EMC10: variants seen among roughly 807,000 people sequenced by gnomAD.
EMC10 encodes the protein ER membrane protein complex subunit 10, also known as UPF0510 protein INM02.
In EMC10, 40 loss-of-function variants were observed where a neutral mutation model predicts 32.2. The ratio of observed to expected loss-of-function variants is 1.24; its 90% confidence interval spans 0.96 to 1.61. The LOEUF is 1.61. Ranked by LOEUF, EMC10 falls within the 40% of genes most tolerant of loss-of-function variation. The pLI, the probability that EMC10 is intolerant of heterozygous loss-of-function variation, is 0.00. For synonymous variants in EMC10, 178 were observed against 158.4 expected (o/e 1.12, Z -0.93); for missense variants, 402 against 357.7 (o/e 1.12, Z -1.00).
In EMC10 at chr19:50,480,183, G is replaced by A; in HGVS notation, c.370G>A (p.Ala124Thr). The A allele has an allele frequency of 6.2e-7, 1 of 1,613,916 alleles. No individual in the cohort carries two copies. The highest frequency in any genetic ancestry group is 8.5e-7 in the Non-Finnish European group (1 of 1,179,948). The change falls in exon 4 of 7, where the codon GCT (alanine) becomes ACT (threonine). Residue 124 changes from alanine (A) to threonine (T), a missense_variant. Physicochemically the swap from Ala to Thr is moderately conservative, Grantham distance 58. Coordinates refer to ENST00000334976, the MANE Select transcript of EMC10 (RefSeq NM_206538.4). This position sits in a 1 kb window ranked among gnomAD's most constrained non-coding sequence, Gnocchi z 4.4. ...RRPGALDGLE[A>T]GGYVSSFVPA... ...ACCCGGGGCCCTGGATGGCCTGGAA[G>A]CTGGTGGCTATGTCTCCTCCTTTGT...
At chr19:50,477,649 G>A (rs2040249537) in intron 1 of EMC10, among the ~76,000 whole-genome samples, 1 of 152,190 alleles carries the variant, frequency 6.6e-6, no homozygotes, top group Non-Finnish European at 1.5e-5. Flanking sequence ...TAACTCATGA[G>A]TATTTGTGGC....
rs1313939488 is a variant in EMC10 at position 50,480,789 on chromosome 19, T to A, written c.584+27T>A. On this transcript the variant is annotated intron_variant, in intron 5 of 6. Transcript: ENST00000334976. This position sits in a 1 kb window ranked among gnomAD's most constrained non-coding sequence, Gnocchi z 4.4. The stretch of plus-strand genomic sequence containing the variant: ...TGAGCCTCTGCTGCCTTCGCGGCGC[T>A]CTTGCCACCTGCCCCGGCCCTTCCT... The A allele has an allele frequency of 6.4e-7, 1 of 1,571,108 alleles. No individual in the cohort carries two copies. The highest frequency in any genetic ancestry group is 8.6e-7 in the Non-Finnish European group (1 of 1,156,420).
At position 50,480,312 on chromosome 19, in the gene EMC10, C is replaced by A; in HGVS notation, c.402+97C>A. On this transcript the variant is annotated intron_variant, in intron 4 of 6. Coordinates refer to ENST00000334976, the MANE Select transcript of EMC10 (RefSeq NM_206538.4). This position sits in a 1 kb window ranked among gnomAD's most constrained non-coding sequence, Gnocchi z 4.4. ...CATTCGAACCCCTGTGTTTCTGGAG[C>A]CCGCAGAGGCCTGGGAGACTCAGAC... is the stretch of plus-strand genomic sequence containing the variant. 1 of 1,266,672 alleles carries A rather than the reference C, an allele frequency of 7.9e-7. No individual in the cohort carries two copies. The highest frequency in any genetic ancestry group is 1.1e-6 in the Non-Finnish European group (1 of 899,838). The allele number at this position is 1,266,672 out of a possible 1,614,324, so 78.5% of individuals were successfully genotyped here.
rs1220291119 is a variant in EMC10, at chr19:50,476,656, G to C, written c.112G>C (p.Gly38Arg). The change falls in exon 1 of 7, where the codon GGG (glycine) becomes CGG (arginine). Residue 38 changes from glycine to arginine, a missense_variant and splice_region_variant. By Grantham distance (125) the Gly-to-Arg change is moderately radical (BLOSUM62 -2). Transcript: ENST00000334976. ...CTGCCGGGCCGGGACTGGTGCGCGA[G>C]GGGTGAGTGCTCTTTAGCTGTGCAT... Reference protein sequence around the residue: ...SGCRAGTGARGAGAEGREGEA... With the variant: ...SGCRAGTGARRAGAEGREGEA... The C allele has an allele frequency of 6.6e-7, 1 of 1,524,386 alleles. No homozygotes were observed. Among genetic ancestry groups the C allele is most frequent in the South Asian group, 1.2e-5 (1 of 82,292 alleles). The allele number at this position is 1,524,386 out of a possible 1,614,324, so 94.4% of individuals were successfully genotyped here.
chr19:50,481,025 G>A lies in EMC10; in HGVS notation c.678+48G>A, dbSNP rs768272380. On this transcript the variant is annotated intron_variant, in intron 6 of 6. Coordinates refer to ENST00000334976, the MANE Select transcript of EMC10 (RefSeq NM_206538.4). ...CCCTATTCCCTTCCTGACAGTCCCGGTGCCTGGCCAGGCCCTCCATGCTCC... is the reference window on the plus strand; with the variant it reads ...CCCTATTCCCTTCCTGACAGTCCCGATGCCTGGCCAGGCCCTCCATGCTCC... 1.5e-5 allele frequency: 22 copies of A among 1,486,214 alleles called. No homozygotes were observed. In the Admixed American group the frequency reaches 3.8e-4, roughly 26 times the overall value. 92.1% of individuals were successfully genotyped at this position (1,486,214 alleles called of 1,614,324 possible).
rs976185744 is a variant in EMC10 at position 50,480,534 on chromosome 19, C to T, written c.403-47C>T. On this transcript the variant is annotated intron_variant, in intron 4 of 6. Coordinates refer to ENST00000334976, the MANE Select transcript of EMC10 (RefSeq NM_206538.4). This position sits in a 1 kb window ranked among gnomAD's most constrained non-coding sequence, Gnocchi z 4.4. ...GGGGCCGGGGGAGGTTAGGGTGGAG[C>T]CCAGGCAGCAGGCTCCCCACCTCCA... The T allele has an allele frequency of 1.9e-6, 3 of 1,539,576 alleles. No individual in the cohort carries two copies. The highest frequency in any genetic ancestry group is 1.4e-5 in the African/African-American group (1 of 72,904).
In EMC10 at chr19:50,483,026, C is replaced by T. The variant is rs1055884723; in HGVS notation, c.*767C>T. 5.4e-6 allele frequency: 3 copies of T among 560,200 alleles called. No individual in the cohort carries two copies. Among genetic ancestry groups the T allele is most frequent in the Admixed American group, 2.3e-5 (1 of 44,022 alleles). 34.7% of individuals were successfully genotyped at this position (560,200 alleles called of 1,614,324 possible). A position where few individuals can be genotyped will look rare whatever the true frequency, so the allele number is the denominator to read the frequency against. On this transcript the variant is annotated 3_prime_UTR_variant, in exon 7 of 7. Transcript: ENST00000334976. ...GTAAATAGAACCCCCTCCACCACCC[C>T]CCGCCGCCCAGCATCCTACCTGGAC...
Position 50,479,044 on chromosome 19 carries a change from A to T in EMC10, c.275A>T (p.Glu92Val), listed in dbSNP as rs1333275482. 1 of 1,608,292 alleles carries T rather than the reference A, an allele frequency of 6.2e-7. No individual in the cohort carries two copies. Among genetic ancestry groups the T allele is most frequent in the Admixed American group, 1.7e-5 (1 of 59,598 alleles). ...TCCCTGTCACAGCGGCAGCTCAGCG[A>T]GGAGGAGCGGGGCCGACTCCGGGTG... ...TLSLSQRQLS[E>V]EERGRLRDVA... Residue 92 changes from glutamate (E) to valine (V), a missense_variant, in exon 3 of 7, where the codon GAG becomes GTG. By Grantham distance (121) the Glu-to-Val change is moderately radical (BLOSUM62 -2). Coordinates refer to ENST00000334976, the MANE Select transcript of EMC10 (RefSeq NM_206538.4).
At position 50,488,237 on chromosome 19, in the gene EMC10, A is replaced by C. The variant is rs1814961638; in HGVS notation, c.*5978A>C. On this transcript the variant is annotated 3_prime_UTR_variant, in exon 7 of 7. Coordinates refer to ENST00000334976, the MANE Select transcript of EMC10 (RefSeq NM_206538.4). ...CGTGAACCCTGGAGGCGGAGCTTGC[A>C]GTGAGCCGAGATTGCGCCACTGCAC... 1 of 128,756 alleles carries C rather than the reference A, an allele frequency of 7.8e-6. No individual in the cohort carries two copies. The highest frequency in any genetic ancestry group is 1.6e-5 in the Non-Finnish European group (1 of 63,518). The allele number at this position is 128,756 out of a possible 1,614,324, so 8.0% of individuals were successfully genotyped here.
intron 3 of EMC10, 24 bp downstream of exon 3, chr19:50,479,090 G>T: frequency 6.5e-7 from 1 of 1,549,826 alleles, no homozygotes; most frequent in Non-Finnish European, 8.8e-7. Flanking sequence ...CTCAGGGCTG[G>T]GTGTGGATGG....
At chr19:50,477,602 C>T (rs1483337260) in intron 1 of EMC10, among the ~76,000 whole-genome samples, 1 of 152,066 alleles carries the variant, frequency 6.6e-6, no homozygotes, top group Non-Finnish European at 1.5e-5. Context: ...TGAATATTAG[C>T]ATGAAAAAGA....
intron 1 of EMC10, chr19:50,476,872 T>C (rs1479292987): frequency 6.7e-6 from 3 of 446,186 alleles, no homozygotes; most frequent in African/African-American, 6.2e-5. Flanking sequence ...AGCGCACCTG[T>C]CGGAAGGCTC....
In EMC10 at chr19:50,480,256, T is replaced by G; in HGVS notation, c.402+41T>G. ...GGATGAGCCCCCTTCTCCCTCGTCC[T>G]CCTCATCCCCTACCCTGGTCCTGCT... is the stretch of plus-strand genomic sequence containing the variant. On this transcript the variant is annotated intron_variant, in intron 4 of 6. Coordinates refer to ENST00000334976, the MANE Select transcript of EMC10 (RefSeq NM_206538.4). The surrounding 1 kb of genome is among the most constrained non-coding windows in gnomAD (Gnocchi z 4.4). 1 of 1,556,546 alleles carries G rather than the reference T, an allele frequency of 6.4e-7. No homozygotes were observed. Among genetic ancestry groups the G allele is most frequent in the Non-Finnish European group, 8.8e-7 (1 of 1,135,516 alleles).
rs2040291501 is a variant in EMC10, at chr19:50,480,028, CT to C, written c.298-81del. ...GAGGTGGGTGGGGCTGGAGAGGGGCCTTCGCGGAGGCCTGGTGGGCATCACA... is the reference window on the plus strand; with the variant it reads ...GAGGTGGGTGGGGCTGGAGAGGGGCCTCGCGGAGGCCTGGTGGGCATCACA... On this transcript the variant is annotated intron_variant, in intron 3 of 6. Coordinates refer to ENST00000334976, the MANE Select transcript of EMC10 (RefSeq NM_206538.4). The surrounding 1 kb of genome is among the most constrained non-coding windows in gnomAD (Gnocchi z 4.4). The C allele has an allele frequency of 8.7e-7, 1 of 1,155,412 alleles. No individual in the cohort carries two copies. Among genetic ancestry groups the C allele is most frequent in the Non-Finnish European group, 1.2e-6 (1 of 816,432 alleles). 71.6% of individuals were successfully genotyped at this position (1,155,412 alleles called of 1,614,324 possible).
Position 50,482,502 on chromosome 19 carries a change from C to A in EMC10, c.*243C>A. On this transcript the variant is annotated 3_prime_UTR_variant, in exon 7 of 7. Coordinates refer to ENST00000334976, the MANE Select transcript of EMC10 (RefSeq NM_206538.4). ...CGCCTCCCCCATGGCCCCATGCAGC[C>A]CCAGGGGCTTCCCCCCTGCCCATGG... The A allele has an allele frequency of 3.5e-6, 2 of 572,220 alleles. No homozygotes were observed. The highest frequency in any genetic ancestry group is 4.5e-5 in the South Asian group (2 of 44,758). 35.4% of individuals were successfully genotyped at this position (572,220 alleles called of 1,614,324 possible).
At position 50,485,674 on chromosome 19, in the gene EMC10, T is replaced by G. The variant is rs2040382224; in HGVS notation, c.*3415T>G. 6.5e-6 allele frequency: 1 copy of G among 153,946 alleles called. No homozygotes were observed. Among genetic ancestry groups the G allele is most frequent in the Non-Finnish European group, 1.4e-5 (1 of 69,520 alleles). 9.5% of individuals were successfully genotyped at this position (153,946 alleles called of 1,614,324 possible). On this transcript the variant is annotated 3_prime_UTR_variant, in exon 7 of 7. Transcript: ENST00000334976. ...CCTGGACCATCGGCCCAGCCTCCTC[T>G]TTGGCCTCCCAGCCCCCAACATCCC...
At chr19:50,478,157 G>GAA (rs2040260323) in intron 2 of EMC10, among the ~76,000 whole-genome samples, 156 bp downstream of exon 2, 1 of 152,188 alleles carries the variant, frequency 6.6e-6, no homozygotes, top group African/African-American at 2.4e-5. Context: ...TGAAAGAAGA[G>GAA]AAACACTCTT....
chr19:50,478,146 A>G (rs1044342470), intron 2 of EMC10, 145 bp downstream of exon 2: 4 of 672,000 alleles, frequency 6.0e-6, no homozygotes, highest in African/African-American at 1.9e-5. Flanking sequence ...AAAGTGGGAC[A>G]TGAAAGAAGA....
rs1221179573 is a variant in EMC10 at position 50,482,914 on chromosome 19, A to G, written c.*655A>G. ...AAGGAATCCTTGCCTTTAAGGTGACAGGCCCTCCACAGGCTTCCAGACTTG... is the reference window on the plus strand; with the variant it reads ...AAGGAATCCTTGCCTTTAAGGTGACGGGCCCTCCACAGGCTTCCAGACTTG... On this transcript the variant is annotated 3_prime_UTR_variant, in exon 7 of 7. Coordinates refer to ENST00000334976, the MANE Select transcript of EMC10 (RefSeq NM_206538.4). The G allele has an allele frequency of 3.6e-6, 2 of 558,462 alleles. No individual in the cohort carries two copies. Among genetic ancestry groups the G allele is most frequent in the African/African-American group, 3.8e-5 (2 of 52,614 alleles). 34.6% of individuals were successfully genotyped at this position (558,462 alleles called of 1,614,324 possible). A position where few individuals can be genotyped will look rare whatever the true frequency, so the allele number is the denominator to read the frequency against.
Sources: allele counts gnomAD v4.1 joint callset (sites outside exome capture counted in the v4.1 genomes callset), GRCh38; gene constraint gnomAD v4.1.1; non-coding constraint Gnocchi (gnomAD v3.1); transcripts MANE v1.5; gene names NCBI Gene and HGNC (gene_info 2026-07-23, HGNC 2026-07-21).